CLIP2: variants seen among roughly 807,000 people sequenced by gnomAD.
The protein encoded by CLIP2 is CAP-Gly domain containing linker protein 2, also known as CAP-Gly domain-containing linker protein 2.
CLIP2 carries 41 observed loss-of-function variants against 111.7 expected under a neutral mutation model. The observed-to-expected ratio is 0.37, with a 90% CI of 0.29 to 0.48. CLIP2 has a LOEUF of 0.48. CLIP2 is among the 20% of genes least tolerant of loss of function. The pLI is 0.99. For missense variants in CLIP2, 1,160 were observed against 1,422.1 expected (o/e 0.82, Z 2.96); for synonymous variants, 660 against 644.2 (o/e 1.02, Z -0.37).
chr7:74,309,195 GC>G (rs1367731406), intron 1 of CLIP2, among the ~76,000 whole-genome samples: 1 of 150,966 alleles, frequency 6.6e-6, no homozygotes, highest in Non-Finnish European at 1.5e-5. Context: ...TATGGTTTGG[GC>G]CCAGCATAGT....
intron 3 of CLIP2, among the ~76,000 whole-genome samples, chr7:74,353,068 T>C (rs1393424351): frequency 6.6e-6 from 1 of 152,038 alleles, no homozygotes; most frequent in African/African-American, 2.4e-5. Flanking sequence ...GGAGGATTGC[T>C]TAAGCCCAAG....
chr7:74,305,483 C>T (rs1431350655), intron 1 of CLIP2, among the ~76,000 whole-genome samples: 2 of 152,108 alleles, frequency 1.3e-5, no homozygotes, highest in African/African-American at 2.4e-5. Context: ...CAGATCAGGC[C>T]TCATTTTGTT....
intron 7 of CLIP2, among the ~76,000 whole-genome samples, chr7:74,360,507 G>A (rs1377621440): frequency 6.6e-6 from 1 of 152,078 alleles, no homozygotes; most frequent in African/African-American, 2.4e-5. Flanking sequence ...TCATATAACT[G>A]GAGTAAAGCA....
chr7:74,386,909 G>A (rs1291023730), intron 12 of CLIP2, among the ~76,000 whole-genome samples: 1 of 151,698 alleles, frequency 6.6e-6, no homozygotes, highest in Admixed American at 6.6e-5. Context: ...TGTAATCCCA[G>A]CTACTCGGGA....
At chr7:74,386,447 G>T in intron 11 of CLIP2, 74 bp from the exon 12 acceptor site, 1 of 1,201,820 alleles carries the variant, frequency 8.3e-7, no homozygotes, top group Non-Finnish European at 1.2e-6. Flanking sequence ...GCTCCTGTGG[G>T]AGGGCCATGG....
At chr7:74,306,750 A>C (rs1163261094) in intron 1 of CLIP2, among the ~76,000 whole-genome samples, 2 of 152,176 alleles carry the variant, frequency 1.3e-5, no homozygotes, top group African/African-American at 4.8e-5. Context: ...GAGTAGTGAC[A>C]GTCCCCTTCC....
At chr7:74,392,463 G>A (rs1791319495) in intron 13 of CLIP2, among the ~76,000 whole-genome samples, 1 of 152,118 alleles carries the variant, frequency 6.6e-6, no homozygotes, top group South Asian at 2.1e-4. Context: ...GGCCCAGGAA[G>A]TGGAGACTCA....
Position 74,339,018 on chromosome 7 carries a change from G to T in CLIP2, c.678+14G>T, listed in dbSNP as rs782249154. On this transcript the variant is annotated intron_variant, in intron 3 of 16. Transcript: ENST00000223398. The stretch of plus-strand genomic sequence containing the variant: ...GACCGCGTGCTGGTGAGTGCGGGCA[G>T]TACTGGGCTCTGGGCCCAGCTTCCC... 4.4e-6 allele frequency: 7 copies of T among 1,581,630 alleles called. No homozygotes were observed. In the South Asian group the frequency reaches 7.8e-5, roughly 18 times the overall value.
At chr7:74,299,986 T>G (rs1250054712) in intron 1 of CLIP2, among the ~76,000 whole-genome samples, 1 of 136,268 alleles carries the variant, frequency 7.3e-6, no homozygotes, top group African/African-American at 2.8e-5. Flanking sequence ...CATGAGCCAC[T>G]CCACCCAGCT....
intron 3 of CLIP2, among the ~76,000 whole-genome samples, chr7:74,350,685 T>G (rs1789959012): frequency 6.6e-6 from 1 of 151,856 alleles, no homozygotes; most frequent in Non-Finnish European, 1.5e-5. Context: ...GGCAACATAG[T>G]GAGCTCTCAT....
chr7:74,297,790 G>C lies in CLIP2; in HGVS notation c.-68+8056G>C, dbSNP rs145607443. On this transcript the variant is annotated intron_variant, in intron 1 of 16. Transcript: ENST00000223398. ...TAAGAATCCAACTCGATGGGAGGAG[G>C]ACGAGAGTAGCGGAGGAGGGCATTT... Among the ~76,000 whole-genome samples the C allele has an allele frequency of 1.8e-3, 272 of 152,060 alleles. 1 individual carries two copies. Among genetic ancestry groups the C allele is most frequent in the African/African-American group, 3.4e-3 (140 of 41,510 alleles).
chr7:74,357,409 G>T lies in CLIP2; in HGVS notation c.1147G>T (p.Ala383Ser), dbSNP rs782413296. 6.2e-7 allele frequency: 1 copy of T among 1,611,482 alleles called. No homozygotes were observed. ...ACGAGACCTGGAACGGGCTGAGGTGGCCAAGGCCACAAGCCACATCTGCGA... is the reference window on the plus strand; with the variant it reads ...ACGAGACCTGGAACGGGCTGAGGTGTCCAAGGCCACAAGCCACATCTGCGA... The part of the protein sequence containing the change: ...AERDLERAEV[A>S]KATSHICEVE... Residue 383 changes from alanine to serine, a missense_variant, in exon 6 of 17, where the codon GCC becomes TCC. Physicochemically the swap from Ala to Ser is moderately conservative, Grantham distance 99. Coordinates refer to ENST00000223398, the MANE Select transcript of CLIP2 (RefSeq NM_003388.5).
At chr7:74,398,772 G>GT (rs35700632) in intron 14 of CLIP2, among the ~76,000 whole-genome samples, 109,786 of 152,064 alleles carry the variant, frequency 0.72, 40,068 homozygotes, top group African/African-American at 0.83. Context: ...GCTAGCAGGG[G>GT]TTGGTGGCTG....
intron 2 of CLIP2, among the ~76,000 whole-genome samples, chr7:74,332,872 C>T (rs1435736276): frequency 3.3e-5 from 5 of 152,228 alleles, no homozygotes; most frequent in African/African-American, 1.2e-4. Flanking sequence ...CAGTGTCTGA[C>T]ACAGAGTCTG....
chr7:74,308,240 A>G (rs1490368593), intron 1 of CLIP2, among the ~76,000 whole-genome samples: 6 of 152,100 alleles, frequency 3.9e-5, no homozygotes, highest in African/African-American at 1.4e-4. Context: ...GGCGGGTGGT[A>G]AGGACTGCAG....
At chr7:74,401,771 T>A in intron 16 of CLIP2, 1 of 703,096 alleles carries the variant, frequency 1.4e-6, no homozygotes, top group Non-Finnish European at 2.5e-6. Context: ...CTTCCCTTCT[T>A]AAAAAAGTTA....
chr7:74,305,402 G>C (rs1788449406), intron 1 of CLIP2, among the ~76,000 whole-genome samples: 1 of 152,132 alleles, frequency 6.6e-6, no homozygotes, highest in East Asian at 1.9e-4. Flanking sequence ...TTTGTGCCCT[G>C]TGGTTGCTTT....
chr7:74,299,064 G>T (rs1007082469), intron 1 of CLIP2, among the ~76,000 whole-genome samples: 9 of 151,878 alleles, frequency 5.9e-5, no homozygotes, highest in Admixed American at 2.6e-4. Context: ...AGGTATGGTG[G>T]CTCACACCTG....
At chr7:74,395,908 G>A (rs1395815817) in intron 13 of CLIP2, among the ~76,000 whole-genome samples, 1 of 152,142 alleles carries the variant, frequency 6.6e-6, no homozygotes, top group East Asian at 1.9e-4. Context: ...AGTGCTCCCC[G>A]CCTCATGATT....
Sources: allele counts gnomAD v4.1 joint callset (sites outside exome capture counted in the v4.1 genomes callset), GRCh38; gene constraint gnomAD v4.1.1; transcripts MANE v1.5; gene names NCBI Gene and HGNC (gene_info 2026-07-23, HGNC 2026-07-21).